The following WNT2B variants were observed in gnomAD, a reference collection of about 807,000 sequenced individuals.
WNT2B encodes the protein Wnt family member 2B.
In WNT2B, 19 loss-of-function variants were observed where a neutral mutation model predicts 40.5. That is an observed-to-expected ratio of 0.47 (90% CI 0.33 to 0.69). WNT2B has a LOEUF of 0.69. Among genes scored for constraint, WNT2B ranks in the 30% least tolerant of loss-of-function variants. The pLI is 0.02. For synonymous variants in WNT2B, 220 were observed against 211.9 expected, an observed-to-expected ratio of 1.04 and a Z score of -0.33; for missense variants, 467 against 556.4, an observed-to-expected ratio of 0.84 and a Z score of 1.62.
chr1:112,482,095 G>A (rs1196981244), intron 1 of WNT2B, among the ~76,000 whole-genome samples: 3 of 150,466 alleles, frequency 2.0e-5, no homozygotes, highest in Non-Finnish European at 4.4e-5. Context: ...GCAGTGAGTT[G>A]AGATTGTGCA....
At chr1:112,519,027 G>A (rs1219395924) in intron 4 of WNT2B, among the ~76,000 whole-genome samples, 1 of 152,076 alleles carries the variant, frequency 6.6e-6, no homozygotes, top group African/African-American at 2.4e-5. Flanking sequence ...TGTGACTAGT[G>A]GCTGCTACCC....
At chr1:112,511,196 G>T (rs551165851) in intron 1 of WNT2B, among the ~76,000 whole-genome samples, 47 of 151,138 alleles carry the variant, frequency 3.1e-4, no homozygotes, top group African/African-American at 9.9e-4. Context: ...CCCCTGATGT[G>T]GTTCATATTA....
chr1:112,479,262 T>C (rs116006884), intron 1 of WNT2B, among the ~76,000 whole-genome samples: 3,737 of 150,326 alleles, frequency 0.025, 71 homozygotes, highest in Non-Finnish European at 0.038. Flanking sequence ...CAAATAAGAT[T>C]AAACAAAACA....
rs541210957 is a variant in WNT2B, at chr1:112,521,888, T to C, written c.*1379T>C. 3.3e-5 allele frequency: 5 copies of C among 152,326 alleles called. No homozygotes were observed. Among genetic ancestry groups the C allele is most frequent in the African/African-American group, 1.2e-4 (5 of 41,582 alleles). 9.4% of individuals were successfully genotyped at this position (152,326 alleles called of 1,614,324 possible). A position where few individuals can be genotyped will look rare whatever the true frequency, so the allele number is the denominator to read the frequency against. ...GATATCTTAAAGCAGCAGAGTGGTA[T>C]AGAAATTTGCGGTTATGACAGACCC... On this transcript the variant is annotated 3_prime_UTR_variant, in exon 5 of 5. Coordinates refer to ENST00000369684, the MANE Select transcript of WNT2B (RefSeq NM_024494.3).
chr1:112,484,258 C>CATATATATATACACATATATAT (rs1207517080), intron 1 of WNT2B, among the ~76,000 whole-genome samples: 2 of 110,438 alleles, frequency 1.8e-5, no homozygotes, highest in African/African-American at 3.9e-5. Context: ...TATATATACA[C>CATATATATATACACATATATAT]ATATATATAT....
Position 112,503,230 on chromosome 1 carries a change from T to A in WNT2B, c.-94-11644T>A, listed in dbSNP as rs371131334. Among the ~76,000 whole-genome samples the A allele has an allele frequency of 9.9e-5, 15 of 151,966 alleles. No homozygotes were observed. In the East Asian group the frequency reaches 2.1e-3, roughly 22 times the overall value. On this transcript the variant is annotated intron_variant, in intron 1 of 4. Coordinates refer to the WNT2B transcript ENST00000256640. ...GGATACTGCAGTCCTGACTTCAGGG[T>A]CAGATTTAGGAAGCAGAAAGACGGT...
intron 1 of WNT2B, among the ~76,000 whole-genome samples, chr1:112,496,171 C>T (rs771139209): frequency 6.6e-6 from 1 of 152,104 alleles, no homozygotes; most frequent in South Asian, 2.1e-4. Context: ...TAGAGTACAG[C>T]GATGTAATCA....
intron 1 of WNT2B, among the ~76,000 whole-genome samples, chr1:112,483,573 T>C (rs955787510): frequency 5.4e-5 from 4 of 74,738 alleles, no homozygotes; most frequent in African/African-American, 8.8e-5. Context: ...TGGGAAATGA[T>C]TTTTTTTTTG....
upstream of WNT2B, chr1:112,508,671 AGTG>A: frequency 1.0e-6 from 1 of 975,928 alleles, no homozygotes; most frequent in Non-Finnish European, 1.2e-6. This position sits in a 1 kb window ranked among gnomAD's most constrained non-coding sequence, Gnocchi z 4.2. Context: ...CACCCATAGA[AGTG>A]GGGCTGCTGA....
intron 1 of WNT2B, among the ~76,000 whole-genome samples, chr1:112,496,653 C>A (rs764356431): frequency 3.3e-5 from 5 of 150,906 alleles, no homozygotes; most frequent in Non-Finnish European, 1.5e-5. Flanking sequence ...CAGGCTGGAG[C>A]GCAATGGTAT....
chr1:112,503,023 C>G (rs888502080), intron 1 of WNT2B, among the ~76,000 whole-genome samples: 1 of 152,146 alleles, frequency 6.6e-6, no homozygotes, highest in African/African-American at 2.4e-5. Flanking sequence ...GTGTCCCTGC[C>G]TGGCAGAGGC....
rs1197815216 is a variant in WNT2B, at chr1:112,520,817, CTTTT to C, written c.*311_*314del. 2 of 357,752 alleles carry C rather than the reference CTTTT, an allele frequency of 5.6e-6. No individual in the cohort carries two copies. Among genetic ancestry groups the C allele is most frequent in the Non-Finnish European group, 1.0e-5 (2 of 197,094 alleles). 22.2% of individuals were successfully genotyped at this position (357,752 alleles called of 1,614,324 possible). A position where few individuals can be genotyped will look rare whatever the true frequency, so the allele number is the denominator to read the frequency against. The stretch of plus-strand genomic sequence containing the variant: ...GCACTAAAGTACGTAGTTGAGGCTC[CTTTT>C]TTCTTTCCTTTGCACCAGCTTCCCG... On this transcript the variant is annotated 3_prime_UTR_variant, in exon 5 of 5. Transcript: ENST00000369684.
At chr1:112,489,667 C>G (rs1454541681) in intron 1 of WNT2B, among the ~76,000 whole-genome samples, 1 of 152,188 alleles carries the variant, frequency 6.6e-6, no homozygotes, top group African/African-American at 2.4e-5. Flanking sequence ...AATGCCAATA[C>G]TCGCAATGGA....
chr1:112,526,184 A>G lies in WNT2B; in HGVS notation c.*5675A>G. The G allele has an allele frequency of 3.8e-6, 6 of 1,598,058 alleles. No homozygotes were observed. The highest frequency in any genetic ancestry group is 4.3e-6 in the Non-Finnish European group (5 of 1,172,422). On this transcript the variant is annotated 3_prime_UTR_variant, in exon 5 of 5. Coordinates refer to ENST00000369684, the MANE Select transcript of WNT2B (RefSeq NM_024494.3). ...CAGGACAGCCAAGAGAGTATATCTG[A>G]GCACAGTTTACAAAGGAACAGCCTA...
intron 1 of WNT2B, among the ~76,000 whole-genome samples, chr1:112,496,681 ACCT>A (rs1299616599): frequency 1.3e-5 from 2 of 150,728 alleles, no homozygotes; most frequent in African/African-American, 2.4e-5. Context: ...GCTCACCACA[ACCT>A]CCTCCTCCCG....
At chr1:112,488,564 T>C (rs898228172) in intron 1 of WNT2B, among the ~76,000 whole-genome samples, 6 of 151,254 alleles carry the variant, frequency 4.0e-5, no homozygotes, top group Non-Finnish European at 8.9e-5. Flanking sequence ...TTTTTTTTTT[T>C]TTTTTGAGAT....
chr1:112,516,652 G>T lies in WNT2B; in HGVS notation c.681+235G>T, dbSNP rs148942061. Among the ~76,000 whole-genome samples the T allele has an allele frequency of 3.9e-3, 597 of 152,312 alleles. 3 individuals are homozygous for T. Among genetic ancestry groups the T allele is most frequent in the African/African-American group, 0.014 (564 of 41,572 alleles). On this transcript the variant is annotated intron_variant, in intron 3 of 4. Coordinates refer to ENST00000369684, the MANE Select transcript of WNT2B (RefSeq NM_024494.3). ...GGAAAGTAGGAAAAGGTGGAGAAAA[G>T]AAGTAACTTTTTAAGAAGGAAAAGA...
chr1:112,510,240 T>C (rs1020671687), intron 1 of WNT2B, among the ~76,000 whole-genome samples: 1 of 152,144 alleles, frequency 6.6e-6, no homozygotes, highest in Admixed American at 6.5e-5. Flanking sequence ...GGATGTCTCG[T>C]GTCTGTTCTT....
chr1:112,495,564 G>C (rs1651738524), intron 1 of WNT2B, among the ~76,000 whole-genome samples: 1 of 151,578 alleles, frequency 6.6e-6, no homozygotes, highest in African/African-American at 2.4e-5. Flanking sequence ...GCTCCAGCCT[G>C]GGTGACAGAG....
Sources: gnomAD v4.1 joint callset for allele counts (sites outside exome capture counted in the v4.1 genomes callset) on GRCh38, gnomAD v4.1.1 for gene constraint, Gnocchi (gnomAD v3.1) non-coding constraint, MANE v1.5 for transcripts, NCBI Gene and HGNC (gene_info 2026-07-23, HGNC 2026-07-21) for gene names.